SGPP1: variants seen among roughly 807,000 people sequenced by gnomAD.
SGPP1 encodes the protein sphingosine-1-phosphate phosphatase 1.
In SGPP1, 21 loss-of-function variants were observed where a neutral mutation model predicts 33.0. The ratio of observed to expected loss-of-function variants is 0.64; its 90% CI spans 0.45 to 0.92. The LOEUF is 0.92. Ranked by LOEUF, SGPP1 falls within the 40% of genes least tolerant of loss-of-function variation. The pLI is 0.00. For missense variants in SGPP1, 543 were observed against 589.4 expected, an observed-to-expected ratio of 0.92 and a Z score of 0.81; for synonymous variants, 239 against 241.2, an observed-to-expected ratio of 0.99 and a Z score of 0.08.
chr14:63,694,696 T>C (rs1434485941), intron 2 of SGPP1, among the ~76,000 whole-genome samples: 1 of 152,228 alleles, frequency 6.6e-6, no homozygotes, highest in Non-Finnish European at 1.5e-5. Flanking sequence ...TATAACTAAG[T>C]GGTTTTAAGT....
intron 2 of SGPP1, among the ~76,000 whole-genome samples, chr14:63,690,569 AT>A (rs1358470266): frequency 1.2e-4 from 18 of 152,318 alleles, no homozygotes; most frequent in Admixed American, 1.2e-3. Context: ...AACCTCAAAT[AT>A]TTTTTGGATG....
In SGPP1 at chr14:63,698,662, A is replaced by T; in HGVS notation, c.685-4T>A. On this transcript the variant is annotated splice_region_variant and splice_polypyrimidine_tract_variant and intron_variant, in intron 1 of 2. Transcript: ENST00000247225. ...TCAGTCCATATATAAGAGGGTACTA[A>T]AGGGGAAAAAAAGTAAAATTAGTTA... is the stretch of plus-strand genomic sequence containing the variant. The T allele has an allele frequency of 6.5e-7, 1 of 1,538,282 alleles. No homozygotes were observed. Among genetic ancestry groups the T allele is most frequent in the Non-Finnish European group, 8.8e-7 (1 of 1,138,172 alleles).
intron 1 of SGPP1, among the ~76,000 whole-genome samples, chr14:63,722,572 A>G (rs1885794293): frequency 6.8e-6 from 1 of 147,076 alleles, no homozygotes; most frequent in East Asian, 1.9e-4. Context: ...ACAATGCTAT[A>G]ACATTATTAT....
intron 1 of SGPP1, among the ~76,000 whole-genome samples, chr14:63,721,097 G>A (rs1382316355): frequency 6.6e-6 from 1 of 152,132 alleles, no homozygotes; most frequent in African/African-American, 2.4e-5. Flanking sequence ...TGGTCAGGCT[G>A]GTCTTGAACT....
chr14:63,726,003 C>G lies in SGPP1; in HGVS notation c.684+1258G>C, dbSNP rs193265282. Among the ~76,000 whole-genome samples the G allele has an allele frequency of 1.0e-3, 155 of 152,308 alleles. 4 individuals are homozygous for G. Among genetic ancestry groups the G allele is most frequent in the Admixed American group, 9.9e-3 (152 of 15,282 alleles). The stretch of plus-strand genomic sequence containing the variant: ...GCACTGCTTCACAATCTGAACATCA[C>G]CGTATAGCTCCTTTGGTTAAACAGA... On this transcript the variant is annotated intron_variant, in intron 1 of 2. Coordinates refer to ENST00000247225, the MANE Select transcript of SGPP1 (RefSeq NM_030791.4).
In SGPP1 at chr14:63,684,301, A is replaced by T. The variant is rs778589800; in HGVS notation, c.*1804T>A. On this transcript the variant is annotated 3_prime_UTR_variant, in exon 3 of 3. Coordinates refer to ENST00000247225, the MANE Select transcript of SGPP1 (RefSeq NM_030791.4). ...GAAAATAATAAAACACAAATGGAACATTTTCAAATACCTTTTAAGCTAGAC... is the reference window on the plus strand; with the variant it reads ...GAAAATAATAAAACACAAATGGAACTTTTTCAAATACCTTTTAAGCTAGAC... 1.6e-4 allele frequency: 24 copies of T among 152,130 alleles called. No individual in the cohort carries two copies. The highest frequency in any genetic ancestry group is 3.4e-4 in the Non-Finnish European group (23 of 67,942). 9.4% of individuals were successfully genotyped at this position (152,130 alleles called of 1,614,324 possible).
intron 2 of SGPP1, among the ~76,000 whole-genome samples, chr14:63,689,913 T>C (rs1054633621): frequency 6.6e-6 from 1 of 152,234 alleles, no homozygotes; most frequent in Admixed American, 6.5e-5. Context: ...CATTATATTA[T>C]ATGTAGTTAT....
intron 2 of SGPP1, among the ~76,000 whole-genome samples, chr14:63,693,663 G>A (rs781102140): frequency 3.3e-5 from 5 of 152,112 alleles, no homozygotes; most frequent in Non-Finnish European, 7.4e-5. Flanking sequence ...GCCCAGGCTG[G>A]AGTACAGTGG....
intron 1 of SGPP1, among the ~76,000 whole-genome samples, chr14:63,703,280 C>T (rs1215323076): frequency 6.6e-6 from 1 of 151,388 alleles, no homozygotes; most frequent in African/African-American, 2.4e-5. Context: ...GAATAAAATA[C>T]CCATACCTAG....
Position 63,698,663 on chromosome 14 carries a change from AG to A in SGPP1, c.685-6del. 2 of 1,538,996 alleles carry A rather than the reference AG, an allele frequency of 1.3e-6. No homozygotes were observed. The highest frequency in any genetic ancestry group is 1.4e-5 in the African/African-American group (1 of 71,646). On this transcript the variant is annotated splice_region_variant and splice_polypyrimidine_tract_variant and intron_variant, in intron 1 of 2. Transcript: ENST00000247225. ...CAGTCCATATATAAGAGGGTACTAA[AG>A]GGGAAAAAAAGTAAAATTAGTTAAA...
At chr14:63,711,745 T>C (rs991880452) in intron 1 of SGPP1, among the ~76,000 whole-genome samples, 1 of 152,176 alleles carries the variant, frequency 6.6e-6, no homozygotes, top group Admixed American at 6.5e-5. Flanking sequence ...GATCAAAAGC[T>C]GAGTACTTTT....
chr14:63,703,810 T>TG (rs1885351438), intron 1 of SGPP1, among the ~76,000 whole-genome samples: 1 of 145,912 alleles, frequency 6.9e-6, no homozygotes, highest in African/African-American at 2.5e-5. Flanking sequence ...GTTTTTTTTT[T>TG]TTTTTTTTTT....
At chr14:63,709,208 C>T (rs1395909870) in intron 1 of SGPP1, among the ~76,000 whole-genome samples, 1 of 151,972 alleles carries the variant, frequency 6.6e-6, no homozygotes, top group Non-Finnish European at 1.5e-5. Flanking sequence ...AACTCCGTCT[C>T]TACTAGAAAC....
chr14:63,713,055 CCT>C (rs1264284149), intron 1 of SGPP1, among the ~76,000 whole-genome samples: 1 of 152,042 alleles, frequency 6.6e-6, no homozygotes, highest in Non-Finnish European at 1.5e-5. Flanking sequence ...CCCAGCAGAC[CCT>C]CTCTTCTTCT....
At chr14:63,718,368 T>C (rs980802199) in intron 1 of SGPP1, among the ~76,000 whole-genome samples, 2 of 152,142 alleles carry the variant, frequency 1.3e-5, no homozygotes, top group African/African-American at 4.8e-5. Context: ...ATTAATTCAA[T>C]ATATTTTTCA....
At chr14:63,717,442 C>T (rs1885657984) in intron 1 of SGPP1, among the ~76,000 whole-genome samples, 1 of 152,008 alleles carries the variant, frequency 6.6e-6, no homozygotes, top group Admixed American at 6.6e-5. Context: ...CTGCCTCAAC[C>T]TCCCGAGTAG....
chr14:63,698,322 G>C (rs1386926212), intron 2 of SGPP1, among the ~76,000 whole-genome samples: 1 of 152,156 alleles, frequency 6.6e-6, no homozygotes. Flanking sequence ...ACTGGAAGGA[G>C]GAAGAAATGT....
At chr14:63,695,061 A>AT (rs1161357538) in intron 2 of SGPP1, among the ~76,000 whole-genome samples, 3 of 151,266 alleles carry the variant, frequency 2.0e-5, no homozygotes, top group African/African-American at 7.3e-5. Context: ...ATTTTATTTT[A>AT]TTTTATTTTT....
intron 1 of SGPP1, among the ~76,000 whole-genome samples, chr14:63,700,668 T>G (rs577581151): frequency 6.6e-6 from 1 of 152,246 alleles, no homozygotes; most frequent in Non-Finnish European, 1.5e-5. Flanking sequence ...TAAAACCTGA[T>G]AGGTAACATG....
Sources: allele counts gnomAD v4.1 joint callset (sites outside exome capture counted in the v4.1 genomes callset), GRCh38; gene constraint gnomAD v4.1.1; transcripts MANE v1.5; gene names NCBI Gene and HGNC (gene_info 2026-07-23, HGNC 2026-07-21).